Variants in CCSER1 observed in about 807,000 individuals in gnomAD.
CCSER1 encodes coiled-coil serine rich protein 1, also known as serine-rich coiled-coil domain-containing protein 1.
In CCSER1, 41 loss-of-function variants were observed where a neutral mutation model predicts 82.0. The observed-to-expected ratio is 0.50, with a 90% CI of 0.39 to 0.65. CCSER1 has a LOEUF of 0.65. Among genes scored for constraint, CCSER1 ranks in the 30% least tolerant of loss-of-function variants. The pLI, the probability that CCSER1 is intolerant of heterozygous loss-of-function variation, is 0.00. For synonymous variants in CCSER1, 414 were observed against 383.9 expected (o/e 1.08, Z -0.92); for missense variants, 1,119 against 1,064.2 (o/e 1.05, Z -0.72).
intron 10 of CCSER1, among the ~76,000 whole-genome samples, chr4:91,401,056 G>A (rs927138441): frequency 2.0e-5 from 3 of 151,780 alleles, no homozygotes; most frequent in African/African-American, 7.3e-5. Context: ...TAAAGAAAAT[G>A]TGAAGAATGA....
chr4:91,503,281 G>C (rs1191264846), intron 10 of CCSER1, among the ~76,000 whole-genome samples: 1 of 151,200 alleles, frequency 6.6e-6, no homozygotes, highest in Non-Finnish European at 1.5e-5. Context: ...GGCGGAGCTT[G>C]CAGTGAGCCA....
At chr4:91,197,504 T>G (rs2149060777) in intron 10 of CCSER1, among the ~76,000 whole-genome samples, 1 of 152,302 alleles carries the variant, frequency 6.6e-6, no homozygotes, top group South Asian at 2.1e-4. Context: ...CTGAATTTCT[T>G]ACTTTATTTA....
At chr4:90,507,237 TA>T (rs1006027126) in intron 5 of CCSER1, among the ~76,000 whole-genome samples, 3 of 149,150 alleles carry the variant, frequency 2.0e-5, no homozygotes, top group African/African-American at 7.4e-5. Context: ...GAACAAAGCT[TA>T]AAAAAAAATA....
intron 10 of CCSER1, among the ~76,000 whole-genome samples, chr4:91,092,517 T>C (rs545873800): frequency 6.6e-6 from 1 of 152,316 alleles, no homozygotes; most frequent in Non-Finnish European, 1.5e-5. Context: ...TTGCTTTGCA[T>C]TGTGCTGTCG....
chr4:91,428,357 G>A (rs901140422), intron 10 of CCSER1, among the ~76,000 whole-genome samples: 2 of 151,952 alleles, frequency 1.3e-5, no homozygotes, highest in African/African-American at 2.4e-5. Context: ...CACTTTTTAT[G>A]GACAACATTT....
At chr4:91,027,271 T>G (rs995608413) in intron 9 of CCSER1, among the ~76,000 whole-genome samples, 2 of 152,088 alleles carry the variant, frequency 1.3e-5, no homozygotes, top group African/African-American at 4.8e-5. Flanking sequence ...TCTTCCATTT[T>G]TATTTACTAG....
intron 6 of CCSER1, among the ~76,000 whole-genome samples, chr4:90,640,746 TC>T (rs1158738936): frequency 6.6e-6 from 1 of 152,136 alleles, no homozygotes; most frequent in Non-Finnish European, 1.5e-5. Context: ...AGGGACTTTT[TC>T]CCCTTTCGCT....
chr4:90,563,988 T>G (rs995031851), intron 5 of CCSER1, among the ~76,000 whole-genome samples: 1 of 152,154 alleles, frequency 6.6e-6, no homozygotes, highest in Non-Finnish European at 1.5e-5. Context: ...CTGACAAGAG[T>G]GAGGGATATC....
intron 9 of CCSER1, among the ~76,000 whole-genome samples, chr4:90,985,609 G>A (rs1412234296): frequency 1.3e-5 from 2 of 151,296 alleles, no homozygotes; most frequent in Non-Finnish European, 3.0e-5. Flanking sequence ...TTTTATTTTG[G>A]CAATGAAAGA....
At chr4:90,521,316 G>A (rs1184082090) in intron 5 of CCSER1, among the ~76,000 whole-genome samples, 1 of 152,196 alleles carries the variant, frequency 6.6e-6, no homozygotes, top group Non-Finnish European at 1.5e-5. Context: ...CAATTGTGAT[G>A]AATGTGGTTA....
At position 91,015,159 on chromosome 4, in the gene CCSER1, T is replaced by C. The variant is rs1447873058; in HGVS notation, c.2173-70791T>C. 3.9e-5 allele frequency among the ~76,000 whole-genome samples: 6 copies of C among 152,084 alleles called. No individual in the cohort carries two copies. The South Asian group carries it at 1.0e-3, about 26-fold the overall frequency. ...TTACCATTATGTAATGTGAGTATAA[T>C]AACATTGCAGAAAGGATGTTTTCAT... On this transcript the variant is annotated intron_variant, in intron 9 of 10. Transcript: ENST00000509176.
At chr4:91,277,823 C>T (rs181764136) in intron 10 of CCSER1, among the ~76,000 whole-genome samples, 86 of 151,834 alleles carry the variant, frequency 5.7e-4, no homozygotes, top group Admixed American at 4.0e-3. Context: ...TTTGTTGTTA[C>T]AAACTTGCAT....
chr4:90,229,656 A>G (rs1327311451), intron 1 of CCSER1, among the ~76,000 whole-genome samples: 2 of 152,252 alleles, frequency 1.3e-5, no homozygotes, highest in Non-Finnish European at 2.9e-5. Context: ...AAATGCTCCA[A>G]TTAAAAGACA....
chr4:91,170,933 T>C (rs554148338), intron 10 of CCSER1, among the ~76,000 whole-genome samples: 3 of 152,344 alleles, frequency 2.0e-5, no homozygotes, highest in Non-Finnish European at 4.4e-5. Context: ...CTCAGCACCC[T>C]TGGATGCCAT....
intron 10 of CCSER1, among the ~76,000 whole-genome samples, chr4:91,304,090 T>A (rs1744869740): frequency 6.6e-6 from 1 of 152,014 alleles, no homozygotes; most frequent in Non-Finnish European, 1.5e-5. Context: ...TCTTTTGCTA[T>A]TTTAACTGAA....
intron 1 of CCSER1, among the ~76,000 whole-genome samples, chr4:90,134,078 T>A (rs1723254065): frequency 6.6e-6 from 1 of 152,242 alleles, no homozygotes; most frequent in African/African-American, 2.4e-5. Context: ...GCTGGACACT[T>A]CTTACATGAT....
At chr4:91,386,186 A>G (rs1751275297) in intron 10 of CCSER1, among the ~76,000 whole-genome samples, 1 of 151,866 alleles carries the variant, frequency 6.6e-6, no homozygotes, top group Non-Finnish European at 1.5e-5. Flanking sequence ...TGGGGCAACA[A>G]GAGTCCAAGG....
chr4:91,383,573 C>A (rs1019666172), intron 10 of CCSER1, among the ~76,000 whole-genome samples: 1 of 152,004 alleles, frequency 6.6e-6, no homozygotes. Context: ...ATAGTTCAAT[C>A]ATATTTTTTA....
chr4:90,895,091 C>G (rs10006298), intron 8 of CCSER1, among the ~76,000 whole-genome samples: 1 of 151,712 alleles, frequency 6.6e-6, no homozygotes, highest in Non-Finnish European at 1.5e-5. Context: ...TAAGACAGTT[C>G]AAAATGAAAT....
Sources: gnomAD v4.1 joint callset for allele counts (sites outside exome capture counted in the v4.1 genomes callset) on GRCh38, gnomAD v4.1.1 for gene constraint, MANE v1.5 for transcripts, NCBI Gene and HGNC (gene_info 2026-07-23, HGNC 2026-07-21) for gene names.